PTPRD: variants seen among roughly 807,000 people sequenced by gnomAD.
PTPRD encodes the protein protein tyrosine phosphatase receptor type D.
A neutral mutation model predicts 214.5 loss-of-function variants in PTPRD; 34 were observed. The ratio of observed to expected loss-of-function variants is 0.16; its 90% CI spans 0.12 to 0.21. PTPRD has a LOEUF of 0.21. PTPRD is among the 10% of genes least tolerant of loss of function. The pLI, the probability that PTPRD is intolerant of heterozygous loss-of-function variation, is 1.00. For synonymous variants in PTPRD, 1,128 were observed against 845.7 expected (o/e 1.33, Z -5.79); for missense variants, 2,545 against 2,398.7 (o/e 1.06, Z -1.27).
chr9:9,519,777 T>C (rs1021769250), intron 8 of PTPRD, among the ~76,000 whole-genome samples: 1 of 152,066 alleles, frequency 6.6e-6, no homozygotes. Context: ...TGTTGATTCA[T>C]CTCAAATTGT....
At chr9:10,517,606 T>C (rs1196181961) in intron 2 of PTPRD, among the ~76,000 whole-genome samples, 1 of 152,056 alleles carries the variant, frequency 6.6e-6, no homozygotes, top group Non-Finnish European at 1.5e-5. Context: ...ATATTATGTG[T>C]AGTATATATA....
At chr9:10,508,253 C>A (rs987374738) in intron 2 of PTPRD, among the ~76,000 whole-genome samples, 3 of 152,138 alleles carry the variant, frequency 2.0e-5, no homozygotes, top group African/African-American at 7.2e-5. Context: ...GAGATACCAT[C>A]TCACACCAGT....
intron 3 of PTPRD, among the ~76,000 whole-genome samples, chr9:10,181,326 A>T (rs1407866220): frequency 6.6e-6 from 1 of 152,178 alleles, no homozygotes; most frequent in Non-Finnish European, 1.5e-5. Context: ...GGCTACGACT[A>T]GCGTATATGG....
Position 9,613,818 on chromosome 9 carries a change from G to C in PTPRD, c.-286-39037C>G, listed in dbSNP as rs147897260. 3.3e-5 allele frequency among the ~76,000 whole-genome samples: 5 copies of C among 152,212 alleles called. No homozygotes were observed. In the East Asian group the frequency reaches 7.7e-4, roughly 24 times the overall value. Reference sequence around the variant, plus strand: ...GACTTGTGGGCACGTGAAAATTTGAGAAGCAGTGCTCTGGATAACACTTCT... The same window carrying C: ...GACTTGTGGGCACGTGAAAATTTGACAAGCAGTGCTCTGGATAACACTTCT... On this transcript the variant is annotated intron_variant, in intron 7 of 45. Coordinates refer to ENST00000381196, the MANE Select transcript of PTPRD (RefSeq NM_002839.4).
chr9:9,982,478 GTGTGTGTGTGTGTGTGTGTGTGTGTGT>G (rs2095576007), intron 4 of PTPRD, among the ~76,000 whole-genome samples: 1 of 148,856 alleles, frequency 6.7e-6, no homozygotes, highest in South Asian at 2.1e-4. Context: ...TGGTGGTGGT[GTGTGTGTGTGTGTGTGTGTGTGTGTGT>G]GTGTGTGTGT....
intron 10 of PTPRD, among the ~76,000 whole-genome samples, chr9:9,033,185 G>A (rs2099611110): frequency 1.3e-5 from 2 of 152,040 alleles, no homozygotes; most frequent in African/African-American, 2.4e-5. Flanking sequence ...ACATAATTTG[G>A]CAGTAATCAT....
chr9:8,731,124 T>A (rs2098653509), intron 12 of PTPRD, among the ~76,000 whole-genome samples: 1 of 152,212 alleles, frequency 6.6e-6, no homozygotes, highest in Non-Finnish European at 1.5e-5. Context: ...TAATGCAACA[T>A]CACACCCAGT....
At chr9:10,243,936 C>G (rs1444511250) in intron 3 of PTPRD, among the ~76,000 whole-genome samples, 1 of 152,070 alleles carries the variant, frequency 6.6e-6, no homozygotes, top group South Asian at 2.1e-4. Flanking sequence ...AAAGTTTGAT[C>G]ATTTGTTGTA....
chr9:9,441,942 T>A (rs1480763106), intron 8 of PTPRD: 3 of 152,254 alleles, frequency 2.0e-5, no homozygotes, highest in Non-Finnish European at 1.5e-5. Flanking sequence ...TTCTCCTTAC[T>A]ATTCCCAAAA....
At chr9:10,257,300 G>T (rs1317232686) in intron 3 of PTPRD, among the ~76,000 whole-genome samples, 2 of 152,112 alleles carry the variant, frequency 1.3e-5, no homozygotes, top group Non-Finnish European at 2.9e-5. Flanking sequence ...ACATTACTTT[G>T]CTTGCTCCAC....
At chr9:9,152,564 C>T (rs556522503) in intron 10 of PTPRD, among the ~76,000 whole-genome samples, 4 of 152,054 alleles carry the variant, frequency 2.6e-5, no homozygotes, top group Admixed American at 6.5e-5. Context: ...AAAAAGAAAA[C>T]GAAGTTGTCA....
At chr9:8,594,115 T>C (rs906947660) in intron 14 of PTPRD, among the ~76,000 whole-genome samples, 11 of 152,218 alleles carry the variant, frequency 7.2e-5, no homozygotes, top group African/African-American at 2.7e-4. Context: ...TTCTAGTGTT[T>C]GCTTTTTTTG....
chr9:8,501,105 G>C (rs1228168997), intron 23 of PTPRD, 46 bp from the exon 24 acceptor site: 2 of 1,419,348 alleles, frequency 1.4e-6, no homozygotes, highest in African/African-American at 1.4e-5. Context: ...GAAAGGACAG[G>C]AGTGGTTGAA....
At chr9:9,241,114 T>C (rs2099970163) in intron 9 of PTPRD, among the ~76,000 whole-genome samples, 1 of 152,162 alleles carries the variant, frequency 6.6e-6, no homozygotes, top group South Asian at 2.1e-4. Flanking sequence ...AATTAATTCG[T>C]GGGTCTAAAT....
intron 7 of PTPRD, among the ~76,000 whole-genome samples, chr9:9,728,025 C>T (rs1337415415): frequency 2.0e-5 from 3 of 152,066 alleles, no homozygotes; most frequent in African/African-American, 7.2e-5. Context: ...GGGCAGTTTC[C>T]CCCATACAGT....
intron 11 of PTPRD, among the ~76,000 whole-genome samples, chr9:8,739,074 G>A (rs1057059905): frequency 6.6e-6 from 1 of 152,166 alleles, no homozygotes; most frequent in African/African-American, 2.4e-5. Flanking sequence ...TTGTACAAAC[G>A]ATGTGCTGCT....
In PTPRD at chr9:9,564,535, C is replaced by A. The variant is rs73641314; in HGVS notation, c.-237+10197G>T. 6.4e-3 allele frequency among the ~76,000 whole-genome samples: 970 copies of A among 152,146 alleles called. 7 individuals are homozygous for A. The highest frequency in any genetic ancestry group is 0.022 in the African/African-American group (923 of 41,528). ...TGAATTCACACTTTTATCAGATTTA[C>A]TAGATGATTCTCTTGCACACCAAAT... On this transcript the variant is annotated intron_variant, in intron 8 of 45. Coordinates refer to ENST00000381196, the MANE Select transcript of PTPRD (RefSeq NM_002839.4).
chr9:10,236,949 A>G (rs1267133508), intron 3 of PTPRD, among the ~76,000 whole-genome samples: 1 of 151,950 alleles, frequency 6.6e-6, no homozygotes, highest in Non-Finnish European at 1.5e-5. Context: ...AAAGATGAAT[A>G]GGTGACTCAC....
chr9:10,225,518 C>A (rs2099585906), intron 3 of PTPRD, among the ~76,000 whole-genome samples: 2 of 151,980 alleles, frequency 1.3e-5, no homozygotes, highest in South Asian at 2.1e-4. Flanking sequence ...CTTTTATTGG[C>A]TAGACAATGG....
Sources: gnomAD v4.1 joint callset for allele counts (sites outside exome capture counted in the v4.1 genomes callset) on GRCh38, gnomAD v4.1.1 for gene constraint, MANE v1.5 for transcripts, NCBI Gene and HGNC (gene_info 2026-07-23, HGNC 2026-07-21) for gene names.